CRYBG1: variants seen among roughly 807,000 people sequenced by gnomAD.
The protein encoded by CRYBG1 is crystallin beta-gamma domain containing 1.
Under a neutral mutation model 189.2 loss-of-function variants are expected in CRYBG1, and 139 were observed. The observed-to-expected ratio is 0.73, with a 90% confidence interval of 0.64 to 0.85. CRYBG1 has a LOEUF of 0.85. CRYBG1 is among the 40% of genes least tolerant of loss of function. The pLI is 0.00. For missense variants in CRYBG1, 2,611 were observed against 2,675.8 expected, an observed-to-expected ratio of 0.98 and a Z score of 0.53; for synonymous variants, 1,023 against 1,017.1, an observed-to-expected ratio of 1.01 and a Z score of -0.11.
intron 1 of CRYBG1, among the ~76,000 whole-genome samples, chr6:106,407,806 A>G (rs1160312061): frequency 6.6e-6 from 1 of 152,218 alleles, no homozygotes; most frequent in South Asian, 2.1e-4. Flanking sequence ...GCAGAAATAA[A>G]TAAGTTCTCT....
At chr6:106,567,961 C>T (rs534107118) in intron 21 of CRYBG1, among the ~76,000 whole-genome samples, 194 of 152,300 alleles carry the variant, frequency 1.3e-3, no homozygotes, top group African/African-American at 4.2e-3. Context: ...TCCAAACCTC[C>T]CCTTTGACCT....
intron 1 of CRYBG1, among the ~76,000 whole-genome samples, chr6:106,379,254 CTTTCT>C (rs1296097116): frequency 2.0e-5 from 3 of 151,548 alleles, no homozygotes; most frequent in South Asian, 2.1e-4. Flanking sequence ...CTTTGTTTTC[CTTTCT>C]TTTCTTTTCT....
chr6:106,516,224 C>T (rs1773414611), intron 3 of CRYBG1, among the ~76,000 whole-genome samples: 1 of 146,776 alleles, frequency 6.8e-6, no homozygotes, highest in African/African-American at 2.6e-5. Flanking sequence ...CTAGAAGCTC[C>T]TTAGGCCCAA....
Position 106,512,511 on chromosome 6 carries a change from AG to A in CRYBG1, c.1395del (p.Val467Ter). ...GCCAGCGATAACGCCTCGGCGGAAAAGAAAGTGAAATCTCCGCGGGCAGCCC... is the reference window on the plus strand; with the variant it reads ...GCCAGCGATAACGCCTCGGCGGAAAAAAAGTGAAATCTCCGCGGGCAGCCC... ...NAASDNASAE[K>X]KVKSPRAALD... On this transcript the variant is annotated frameshift_variant, in exon 3 of 22. Transcript: ENST00000633556. LOFTEE classifies it high-confidence loss of function. 2.5e-6 allele frequency: 4 copies of A among 1,610,960 alleles called. No homozygotes were observed. Among genetic ancestry groups the A allele is most frequent in the Non-Finnish European group, 3.4e-6 (4 of 1,179,074 alleles).
At chr6:106,444,275 G>A (rs536440624) in intron 1 of CRYBG1, among the ~76,000 whole-genome samples, 38 of 152,078 alleles carry the variant, frequency 2.5e-4, no homozygotes, top group African/African-American at 8.0e-4. Flanking sequence ...TTTGTATTTC[G>A]ACAACTGAAA....
intron 2 of CRYBG1, among the ~76,000 whole-genome samples, chr6:106,476,535 A>T (rs1183606819): frequency 6.6e-6 from 1 of 152,242 alleles, no homozygotes; most frequent in Non-Finnish European, 1.5e-5. Flanking sequence ...TATGACACTA[A>T]GGAATGACAC....
rs1482948897 is a variant in CRYBG1 at position 106,513,112 on chromosome 6, G to A, written c.1922+73G>A. 7 of 1,498,566 alleles carry A rather than the reference G, an allele frequency of 4.7e-6. No individual in the cohort carries two copies. In the East Asian group the frequency reaches 1.5e-4, roughly 31 times the overall value. The allele number at this position is 1,498,566 out of a possible 1,614,324, so 92.8% of individuals were successfully genotyped here. ...TGGGGGTCCGCTCTGAGAGGCTCGG[G>A]GTATCTGCATTGTGGAAGAAACGTC... On this transcript the variant is annotated intron_variant, in intron 3 of 21. Transcript: ENST00000633556.
At chr6:106,379,397 G>A (rs1369563281) in intron 1 of CRYBG1, among the ~76,000 whole-genome samples, 4 of 151,762 alleles carry the variant, frequency 2.6e-5, no homozygotes, top group African/African-American at 9.7e-5. Flanking sequence ...AAGTAGCTGG[G>A]ACTACAGGCA....
chr6:106,363,019 G>A (rs926382804), intron 1 of CRYBG1, among the ~76,000 whole-genome samples: 1 of 151,808 alleles, frequency 6.6e-6, no homozygotes, highest in Admixed American at 6.6e-5. Flanking sequence ...GCCGAGACGG[G>A]CGGATCACGA....
intron 1 of CRYBG1, among the ~76,000 whole-genome samples, chr6:106,426,840 T>C (rs924397467): frequency 5.5e-4 from 83 of 152,230 alleles, no homozygotes; most frequent in African/African-American, 1.9e-3. Context: ...GTTGCCTAAA[T>C]GAATTCCTTC....
intron 2 of CRYBG1, among the ~76,000 whole-genome samples, chr6:106,505,845 G>A (rs1240771839): frequency 6.6e-6 from 1 of 151,702 alleles, no homozygotes; most frequent in Non-Finnish European, 1.5e-5. Context: ...ATATCCAGTT[G>A]ACTCATTCCC....
intron 2 of CRYBG1, among the ~76,000 whole-genome samples, chr6:106,486,966 T>C (rs972907331): frequency 5.3e-5 from 8 of 152,162 alleles, no homozygotes; most frequent in African/African-American, 1.9e-4. Flanking sequence ...ATTTCTGGTT[T>C]TTTTGTAGAT....
At chr6:106,492,735 T>A (rs1409872744) in intron 2 of CRYBG1, among the ~76,000 whole-genome samples, 1 of 152,218 alleles carries the variant, frequency 6.6e-6, no homozygotes, top group East Asian at 1.9e-4. Flanking sequence ...CCCCTTGTAT[T>A]GTCTTCACAT....
chr6:106,416,428 G>A (rs998790523), intron 1 of CRYBG1, among the ~76,000 whole-genome samples: 5 of 152,214 alleles, frequency 3.3e-5, no homozygotes, highest in Admixed American at 6.5e-5. Context: ...GCTTTACTTC[G>A]ATGGTACTCT....
chr6:106,442,765 C>A (rs919755237), intron 1 of CRYBG1, among the ~76,000 whole-genome samples: 3 of 152,070 alleles, frequency 2.0e-5, no homozygotes, highest in African/African-American at 7.2e-5. Flanking sequence ...GGGACTCATA[C>A]CCAGGAGCCC....
At chr6:106,504,767 T>C (rs1245205368) in intron 2 of CRYBG1, among the ~76,000 whole-genome samples, 1 of 152,166 alleles carries the variant, frequency 6.6e-6, no homozygotes, top group Non-Finnish European at 1.5e-5. Flanking sequence ...TTATTTTTAA[T>C]GCCTATTCCA....
intron 21 of CRYBG1, among the ~76,000 whole-genome samples, chr6:106,568,223 G>A (rs1774949408): frequency 6.6e-6 from 1 of 152,224 alleles, no homozygotes; most frequent in Non-Finnish European, 1.5e-5. Flanking sequence ...AGGAGCCCGT[G>A]AGGTGGGATG....
intron 2 of CRYBG1, among the ~76,000 whole-genome samples, chr6:106,508,197 C>T (rs1001519404): frequency 6.6e-6 from 1 of 152,202 alleles, no homozygotes; most frequent in African/African-American, 2.4e-5. Flanking sequence ...GAGCTGTGAT[C>T]GTGCCACTGC....
intron 1 of CRYBG1, among the ~76,000 whole-genome samples, chr6:106,426,273 C>T (rs1771224370): frequency 6.6e-6 from 1 of 152,178 alleles, no homozygotes; most frequent in Non-Finnish European, 1.5e-5. Flanking sequence ...AAAGTTCCCT[C>T]CTTCCCAAGT....
Sources: gnomAD v4.1 joint callset for allele counts (sites outside exome capture counted in the v4.1 genomes callset) on GRCh38, gnomAD v4.1.1 for gene constraint, MANE v1.5 for transcripts, NCBI Gene and HGNC (gene_info 2026-07-23, HGNC 2026-07-21) for gene names.